The following C7 variants were observed in gnomAD, a reference collection of about 807,000 sequenced individuals.
C7 encodes the protein complement component C7.
Under a neutral mutation model 104.8 loss-of-function variants are expected in C7, and 83 were observed. That is an observed-to-expected ratio of 0.79 (90% confidence interval 0.66 to 0.95). C7 has a LOEUF of 0.95. Among genes scored for constraint, C7 ranks in the 40% least tolerant of loss-of-function variants. The pLI, the probability that C7 is intolerant of heterozygous loss-of-function variation, is 0.00. For synonymous variants in C7, 415 were observed against 360.6 expected (o/e 1.15, Z -1.71); for missense variants, 1,070 against 1,011.2 (o/e 1.06, Z -0.79).
intron 9 of C7, among the ~76,000 whole-genome samples, chr5:40,950,474 G>A (rs1901165): frequency 0.67 from 101,049 of 151,890 alleles, 33,724 homozygotes; most frequent in African/African-American, 0.73. Context: ...GGTTGATTCC[G>A]TGTCTTCGCT....
chr5:40,925,149 C>T (rs1040935188), intron 1 of C7, among the ~76,000 whole-genome samples: 1 of 152,064 alleles, frequency 6.6e-6, no homozygotes, highest in Non-Finnish European at 1.5e-5. Context: ...GTATAAATTC[C>T]AACTTTAAGT....
chr5:40,911,612 C>T (rs1739208353), intron 1 of C7, among the ~76,000 whole-genome samples: 1 of 152,060 alleles, frequency 6.6e-6, no homozygotes, highest in Admixed American at 6.5e-5. Flanking sequence ...CTGGGACATA[C>T]TGGAAGAAGG....
intron 1 of C7, among the ~76,000 whole-genome samples, chr5:40,926,558 A>C (rs1301798286): frequency 6.6e-6 from 1 of 152,230 alleles, no homozygotes; most frequent in Admixed American, 6.5e-5. Flanking sequence ...TAATAAATGA[A>C]TACTGTAAAA....
chr5:40,962,051 T>A (rs756819703), intron 12 of C7, 34 bp from the exon 13 acceptor site: 10 of 1,224,214 alleles, frequency 8.2e-6, no homozygotes, highest in Non-Finnish European at 1.1e-5. Flanking sequence ...ACTGTGCAAA[T>A]CAATCACATT....
rs550450539 is a variant in C7, at chr5:40,982,386, C to A, written c.*813C>A. 4.6e-5 allele frequency: 7 copies of A among 152,206 alleles called. 1 individual carries two copies. In the Middle Eastern group the frequency reaches 0.01, roughly 220 times the overall value. 9.4% of individuals were successfully genotyped at this position (152,206 alleles called of 1,614,324 possible). ...CTCCAACTCCTGACCTCAGGTAATC[C>A]GCCTGCCTTGGCCTCCCAAAGTGCT... On this transcript the variant is annotated 3_prime_UTR_variant, in exon 18 of 18. Transcript: ENST00000313164.
chr5:40,969,760 C>G (rs1301543322), intron 14 of C7, among the ~76,000 whole-genome samples: 1 of 151,776 alleles, frequency 6.6e-6, no homozygotes, highest in Non-Finnish European at 1.5e-5. Context: ...AGCAGCCTTT[C>G]AGCATATTTT....
intron 16 of C7, among the ~76,000 whole-genome samples, chr5:40,977,990 T>C (rs992600772): frequency 1.2e-4 from 18 of 151,882 alleles, no homozygotes; most frequent in African/African-American, 4.1e-4. Flanking sequence ...AAAAATTAGC[T>C]GGGTGTGGTG....
chr5:40,937,842 A>G lies in C7; in HGVS notation c.567+152A>G, dbSNP rs1200799475. On this transcript the variant is annotated intron_variant, in intron 6 of 17. Coordinates refer to ENST00000313164, the MANE Select transcript of C7 (RefSeq NM_000587.4). ...TTATGTTGACTTAAAAAGTATACACAGTGTTTTTGCTTTGGGGTACAGGGC... is the reference window on the plus strand; with the variant it reads ...TTATGTTGACTTAAAAAGTATACACGGTGTTTTTGCTTTGGGGTACAGGGC... Among the ~76,000 whole-genome samples the G allele has an allele frequency of 2.0e-5, 3 of 152,302 alleles. No individual in the cohort carries two copies. In the East Asian group the frequency reaches 5.8e-4, roughly 29 times the overall value.
In C7 at chr5:40,958,116, T is replaced by A. The variant is rs1164479277; in HGVS notation, c.1344T>A (p.Tyr448Ter). 6.2e-7 allele frequency: 1 copy of A among 1,613,670 alleles called. No homozygotes were observed. The highest frequency in any genetic ancestry group is 8.5e-7 in the Non-Finnish European group (1 of 1,179,778). ...KLYLKWALEE[Y>*]LDEFDPCHCR... ...ACCTGAAATGGGCTCTTGAAGAGTATCTGGATGAATTTGACCCCTGTCATT... is the reference window on the plus strand; with the variant it reads ...ACCTGAAATGGGCTCTTGAAGAGTAACTGGATGAATTTGACCCCTGTCATT... Residue 448 changes from tyrosine to a stop codon, truncating the protein, a stop_gained, in exon 11 of 18, where the codon TAT (tyrosine) becomes TAA (stop). Transcript: ENST00000313164. LOFTEE classifies it high-confidence loss of function.
intron 11 of C7, 41 bp downstream of exon 11, chr5:40,958,302 G>A (rs182903578): frequency 3.2e-6 from 4 of 1,255,658 alleles, no homozygotes; most frequent in Non-Finnish European, 4.4e-6. Context: ...TGTACACATT[G>A]AAAGGGAATT....
At chr5:40,923,770 G>A (rs967450902) in intron 1 of C7, among the ~76,000 whole-genome samples, 2 of 151,822 alleles carry the variant, frequency 1.3e-5, no homozygotes, top group Non-Finnish European at 2.9e-5. Context: ...GTATGCGAGA[G>A]GGGGAAAATG....
chr5:40,964,417 A>T, intron 13 of C7: 1 of 192,900 alleles, frequency 5.2e-6, no homozygotes. Context: ...TTTTTCCTAA[A>T]AGTTAAAGGA....
rs765472148 is a variant in C7, at chr5:40,921,298, C to A, written c.7-7282C>A. Among the ~76,000 whole-genome samples, 212 of 151,882 alleles carry A rather than the reference C, an allele frequency of 1.4e-3. 1 individual carries two copies. Among genetic ancestry groups the A allele is most frequent in the Non-Finnish European group, 2.5e-3 (169 of 67,940 alleles). On this transcript the variant is annotated intron_variant, in intron 1 of 17. Transcript: ENST00000313164. ...AAAAATACTATAAAACACTGATGAA[C>A]GTAATTTAAGAGAACACAAAAAAGG...
rs1471838828 is a variant in C7 at position 40,945,195 on chromosome 5, T to A, written c.568-3T>A. ...ATAGCAAAATTTTTCATTTTCTTTGTAGGTGAAAATAAATAATGATTTTAA... is the reference window on the plus strand; with the variant it reads ...ATAGCAAAATTTTTCATTTTCTTTGAAGGTGAAAATAAATAATGATTTTAA... On this transcript the variant is annotated splice_region_variant and splice_polypyrimidine_tract_variant and intron_variant, in intron 6 of 17. Transcript: ENST00000313164. The A allele has an allele frequency of 7.0e-7, 1 of 1,434,776 alleles. No individual in the cohort carries two copies. Among genetic ancestry groups the A allele is most frequent in the Non-Finnish European group, 9.4e-7 (1 of 1,062,316 alleles). The allele number at this position is 1,434,776 out of a possible 1,614,324, so 88.9% of individuals were successfully genotyped here.
intron 6 of C7, among the ~76,000 whole-genome samples, chr5:40,940,602 C>A (rs1317128163): frequency 6.6e-6 from 1 of 152,166 alleles, no homozygotes; most frequent in East Asian, 1.9e-4. Flanking sequence ...TTATCTAAGC[C>A]TTTGCTTCCT....
At chr5:40,951,698 G>T (rs896985465) in intron 9 of C7, among the ~76,000 whole-genome samples, 2 of 152,178 alleles carry the variant, frequency 1.3e-5, no homozygotes, top group Non-Finnish European at 2.9e-5. Flanking sequence ...AATGCATTGT[G>T]TGAGGCCATA....
chr5:40,936,330 G>T lies in C7; in HGVS notation c.281-8G>T. The stretch of plus-strand genomic sequence containing the variant: ...TTACATTTGCACGTGGATTTCTCTG[G>T]TGTTCAGGTCAGTGCATCAGCAAAT... On this transcript the variant is annotated splice_region_variant and splice_polypyrimidine_tract_variant and intron_variant, in intron 4 of 17. Transcript: ENST00000313164. The T allele has an allele frequency of 1.2e-6, 2 of 1,612,750 alleles. No individual in the cohort carries two copies. Among genetic ancestry groups the T allele is most frequent in the Non-Finnish European group, 1.7e-6 (2 of 1,179,208 alleles).
At chr5:40,942,742 G>A (rs1478345334) in intron 6 of C7, among the ~76,000 whole-genome samples, 1 of 151,628 alleles carries the variant, frequency 6.6e-6, no homozygotes. Context: ...GCACCAATCC[G>A]TACAGTTGTG....
At chr5:40,932,263 C>T (rs1739702005) in intron 3 of C7, among the ~76,000 whole-genome samples, 2 of 151,920 alleles carry the variant, frequency 1.3e-5, no homozygotes, top group Admixed American at 6.6e-5. Context: ...TGAATATAGC[C>T]TTCTTATTTT....
Sources: allele counts gnomAD v4.1 joint callset (sites outside exome capture counted in the v4.1 genomes callset), GRCh38; gene constraint gnomAD v4.1.1; transcripts MANE v1.5; gene names NCBI Gene and HGNC (gene_info 2026-07-23, HGNC 2026-07-21).